SOX7: variants seen among roughly 807,000 people sequenced by gnomAD.
SOX7 encodes transcription factor SOX-7.
Under a neutral mutation model 24.9 loss-of-function variants are expected in SOX7, and 19 were observed. The observed-to-expected ratio is 0.76, with a 90% CI of 0.53 to 1.12. The LOEUF (loss-of-function observed/expected upper bound fraction) is 1.12. Among genes scored for constraint, SOX7 ranks in the 50% most tolerant of loss-of-function variants. SOX7 has a pLI of 0.00. For synonymous variants in SOX7, 327 were observed against 244.5 expected (o/e 1.34, Z -3.15); for missense variants, 702 against 535.0 (o/e 1.31, Z -3.08).
intron 1 of SOX7, among the ~76,000 whole-genome samples, chr8:10,728,846 C>T (rs1800205947): frequency 6.6e-6 from 1 of 152,182 alleles, no homozygotes; most frequent in Admixed American, 6.5e-5. Context: ...TTTGGGGATC[C>T]ACAACAAACA....
chr8:10,725,546 A>C lies in SOX7; in HGVS notation c.*192T>G. ...TAAAATGTGGGCTGCAGGGGCTGGA[A>C]CGTGGGGAAGGGGATAGAGGCGGCA... On this transcript the variant is annotated 3_prime_UTR_variant, in exon 2 of 2. Transcript: ENST00000304501. 2 of 608,942 alleles carry C rather than the reference A, an allele frequency of 3.3e-6. No individual in the cohort carries two copies. The highest frequency in any genetic ancestry group is 2.9e-6 in the Non-Finnish European group (1 of 345,586). 37.7% of individuals were successfully genotyped at this position (608,942 alleles called of 1,614,324 possible).
chr8:10,730,465 C>G lies in SOX7; in HGVS notation c.-32G>C. 1 of 1,402,924 alleles carries G rather than the reference C, an allele frequency of 7.1e-7. No homozygotes were observed. The highest frequency in any genetic ancestry group is 9.3e-7 in the Non-Finnish European group (1 of 1,079,508). 86.9% of individuals were successfully genotyped at this position (1,402,924 alleles called of 1,614,324 possible). On this transcript the variant is annotated 5_prime_UTR_variant, in exon 1 of 2. Transcript: ENST00000304501. The surrounding 1 kb of genome is among the most constrained non-coding windows in gnomAD (Gnocchi z 4.8). ...ACGCGGGTCGCCTCGCTTCGCCTGG[C>G]GGGGCAGGCGCGGACCTGGCCCTCG...
rs1400625790 is a variant in SOX7 at position 10,723,853 on chromosome 8, A to G, written c.*1885T>C. 2 of 152,666 alleles carry G rather than the reference A, an allele frequency of 1.3e-5. No individual in the cohort carries two copies. Among genetic ancestry groups the G allele is most frequent in the Non-Finnish European group, 2.9e-5 (2 of 68,038 alleles). 9.5% of individuals were successfully genotyped at this position (152,666 alleles called of 1,614,324 possible). A position where few individuals can be genotyped will look rare whatever the true frequency, so the allele number is the denominator to read the frequency against. ...TTCCAAAGTATGAGTTGTTCTTTCA[A>G]AAAAACGAAACAGTTTAGCTTAATG... On this transcript the variant is annotated 3_prime_UTR_variant, in exon 2 of 2. Coordinates refer to ENST00000304501, the MANE Select transcript of SOX7 (RefSeq NM_031439.4).
In SOX7 at chr8:10,726,465, T is replaced by G. The variant is rs1169079422; in HGVS notation, c.440A>C (p.Glu147Ala). Reference sequence around the variant, plus strand: ...CGCCCCCCGGCTGCCGCTTCTCTTCTCCGGCAGGGCGTTCTGGTCCCGGGA... The same window carrying G: ...CGCCCCCCGGCTGCCGCTTCTCTTCGCCGGCAGGGCGTTCTGGTCCCGGGA... The part of the protein sequence containing the change: ...SLSRDQNALP[E>A]KRSGSRGALG... Residue 147 changes from glutamate to alanine, a missense_variant, in exon 2 of 2, where the codon GAG (glutamate) becomes GCG (alanine). Physicochemically the swap from Glu to Ala is moderately radical, Grantham distance 107. Transcript: ENST00000304501. 1.2e-6 allele frequency: 2 copies of G among 1,612,282 alleles called. No individual in the cohort carries two copies. The highest frequency in any genetic ancestry group is 1.7e-6 in the Non-Finnish European group (2 of 1,179,854).
Sources: allele counts gnomAD v4.1 joint callset (sites outside exome capture counted in the v4.1 genomes callset), GRCh38; gene constraint gnomAD v4.1.1; non-coding constraint Gnocchi (gnomAD v3.1); transcripts MANE v1.5; gene names NCBI Gene and HGNC (gene_info 2026-07-23, HGNC 2026-07-21).